Variants in TMEM135 observed in about 807,000 individuals in gnomAD.
The protein encoded by TMEM135 is transmembrane protein 135, also known as peroxisomal membrane protein 52.
TMEM135 carries 30 observed loss-of-function variants against 60.3 expected under a neutral mutation model. That is an observed-to-expected ratio of 0.50 (90% CI 0.37 to 0.68). TMEM135 has a LOEUF of 0.68. Among genes scored for constraint, TMEM135 ranks in the 30% least tolerant of loss-of-function variants. TMEM135 has a pLI of 0.00. For missense variants in TMEM135, 468 were observed against 548.8 expected, an observed-to-expected ratio of 0.85 and a Z score of 1.47; for synonymous variants, 190 against 186.7, an observed-to-expected ratio of 1.02 and a Z score of -0.14.
chr11:87,160,283 G>C (rs191281940), intron 5 of TMEM135, among the ~76,000 whole-genome samples: 1 of 152,126 alleles, frequency 6.6e-6, no homozygotes, highest in African/African-American at 2.4e-5. Flanking sequence ...AAGATTTTCC[G>C]CTCTCTGAAA....
At chr11:87,067,967 C>T in intron 2 of TMEM135, 146 bp downstream of exon 2, 1 of 987,448 alleles carries the variant, frequency 1.0e-6, no homozygotes. Context: ...TCAATGAAAG[C>T]TTGTAAAACC....
At chr11:87,041,257 A>G (rs1949747708) in intron 1 of TMEM135, among the ~76,000 whole-genome samples, 1 of 149,252 alleles carries the variant, frequency 6.7e-6, no homozygotes. Flanking sequence ...TAGAGCTAGT[A>G]AGGAAAAAGA....
chr11:87,087,881 C>T (rs1457532692), intron 3 of TMEM135, among the ~76,000 whole-genome samples: 1 of 152,094 alleles, frequency 6.6e-6, no homozygotes. Context: ...GGATTACAGG[C>T]ATGCACCACC....
At chr11:87,184,155 T>TA (rs1190549925) in intron 5 of TMEM135, among the ~76,000 whole-genome samples, 1 of 152,152 alleles carries the variant, frequency 6.6e-6, no homozygotes, top group East Asian at 1.9e-4. Flanking sequence ...TATGTGAAAT[T>TA]AAAACCTTGT....
intron 5 of TMEM135, among the ~76,000 whole-genome samples, chr11:87,233,687 C>G (rs1313624166): frequency 6.6e-6 from 1 of 152,084 alleles, no homozygotes; most frequent in African/African-American, 2.4e-5. Context: ...CTGTAATGTC[C>G]TTGAGGGTCA....
chr11:87,259,422 TACAC>T (rs1288038108), intron 6 of TMEM135, among the ~76,000 whole-genome samples: 1 of 151,374 alleles, frequency 6.6e-6, no homozygotes, highest in African/African-American at 2.4e-5. Flanking sequence ...AGAGCGGGAA[TACAC>T]ACACACACTA....
At chr11:87,128,609 T>C (rs1937806146) in intron 4 of TMEM135, among the ~76,000 whole-genome samples, 1 of 152,216 alleles carries the variant, frequency 6.6e-6, no homozygotes. Context: ...AACTGTTTTG[T>C]TAACTCTAAG....
chr11:87,044,434 G>T lies in TMEM135; in HGVS notation c.141+6248G>T, dbSNP rs1949777023. Among the ~76,000 whole-genome samples, 2 of 152,038 alleles carry T rather than the reference G, an allele frequency of 1.3e-5. 1 individual carries two copies. The highest frequency in any genetic ancestry group is 4.8e-5 in the African/African-American group (2 of 41,318). Reference sequence around the variant, plus strand: ...TTAAAAAAATAAAATAAGAAACCCTGAAGTCATTAAAGAATGTAAACTACT... The same window carrying T: ...TTAAAAAAATAAAATAAGAAACCCTTAAGTCATTAAAGAATGTAAACTACT... On this transcript the variant is annotated intron_variant, in intron 1 of 14. Coordinates refer to ENST00000305494, the MANE Select transcript of TMEM135 (RefSeq NM_022918.4).
chr11:87,049,611 G>A (rs1949823803), intron 1 of TMEM135, among the ~76,000 whole-genome samples: 1 of 122,870 alleles, frequency 8.1e-6, no homozygotes, highest in Non-Finnish European at 1.8e-5. Context: ...AACAAGAGAA[G>A]CTAACTATCC....
chr11:87,100,816 T>C (rs2512345), intron 4 of TMEM135, among the ~76,000 whole-genome samples: 83,162 of 151,832 alleles, frequency 0.55, 23,595 homozygotes, highest in East Asian at 0.71. Flanking sequence ...AAGCCAAGAT[T>C]GCGTCAGTGC....
intron 6 of TMEM135, among the ~76,000 whole-genome samples, chr11:87,258,035 A>G (rs1201880111): frequency 6.6e-6 from 1 of 152,138 alleles, no homozygotes; most frequent in Non-Finnish European, 1.5e-5. Flanking sequence ...CCAATTTAGT[A>G]TGAATAGAAA....
At chr11:87,125,419 A>G (rs753364178) in intron 4 of TMEM135, among the ~76,000 whole-genome samples, 1 of 152,112 alleles carries the variant, frequency 6.6e-6, no homozygotes, top group Non-Finnish European at 1.5e-5. Flanking sequence ...CATTGAGTAC[A>G]CTCCGAATGA....
chr11:87,316,905 T>C (rs1942742207), intron 12 of TMEM135, among the ~76,000 whole-genome samples: 1 of 151,764 alleles, frequency 6.6e-6, no homozygotes, highest in South Asian at 2.1e-4. Context: ...AATAGGATAT[T>C]AGAAATTTAA....
At chr11:87,241,618 T>A (rs189763863) in intron 6 of TMEM135, among the ~76,000 whole-genome samples, 5 of 152,206 alleles carry the variant, frequency 3.3e-5, no homozygotes, top group Admixed American at 2.6e-4. Context: ...TCTAACTATA[T>A]TTTTGTACTC....
intron 4 of TMEM135, 68 bp downstream of exon 4, chr11:87,091,463 A>C: frequency 6.7e-7 from 1 of 1,491,096 alleles, no homozygotes; most frequent in Non-Finnish European, 9.3e-7. Context: ...AAGTTTTCTT[A>C]AAAAAAGTAA....
intron 6 of TMEM135, among the ~76,000 whole-genome samples, chr11:87,273,878 T>G (rs1471063860): frequency 1.3e-5 from 2 of 151,946 alleles, no homozygotes; most frequent in East Asian, 1.9e-4. Context: ...TATTGTTTAT[T>G]TGCATTTTTC....
At chr11:87,294,780 C>G (rs1016337552) in intron 6 of TMEM135, among the ~76,000 whole-genome samples, 1 of 152,156 alleles carries the variant, frequency 6.6e-6, no homozygotes, top group Non-Finnish European at 1.5e-5. Context: ...TTAAGGTGAT[C>G]ATAGCTATAA....
intron 5 of TMEM135, among the ~76,000 whole-genome samples, chr11:87,226,781 A>G (rs750079086): frequency 6.6e-6 from 1 of 152,208 alleles, no homozygotes; most frequent in Admixed American, 6.5e-5. Flanking sequence ...GTGGTAGTTC[A>G]TGCCTGTAAT....
intron 6 of TMEM135, among the ~76,000 whole-genome samples, chr11:87,245,232 C>G (rs1941238536): frequency 6.6e-6 from 1 of 151,464 alleles, no homozygotes; most frequent in Non-Finnish European, 1.5e-5. Context: ...GTTATAATTT[C>G]TGTTCTTTTA....
Sources: allele counts gnomAD v4.1 joint callset (sites outside exome capture counted in the v4.1 genomes callset), GRCh38; gene constraint gnomAD v4.1.1; transcripts MANE v1.5; gene names NCBI Gene and HGNC (gene_info 2026-07-23, HGNC 2026-07-21).